The following CRYAB variants were observed in gnomAD, a reference collection of about 807,000 sequenced individuals.
The protein encoded by CRYAB is crystallin alpha B.
A neutral mutation model predicts 12.7 loss-of-function variants in CRYAB; 9 were observed. The ratio of observed to expected loss-of-function variants is 0.71; its 90% CI spans 0.43 to 1.24. The LOEUF (loss-of-function observed/expected upper bound fraction) is 1.24. Among genes scored for constraint, CRYAB ranks in the 50% most tolerant of loss-of-function variants. The probability of loss-of-function intolerance (pLI) is 0.00; values close to 1 mark genes in which losing one functional copy is unlikely to be tolerated. For synonymous variants in CRYAB, 93 were observed against 86.8 expected (o/e 1.07, Z -0.40); for missense variants, 183 against 226.6 (o/e 0.81, Z 1.24).
upstream of CRYAB, chr11:111,913,354 A>T: frequency 9.6e-7 from 1 of 1,040,950 alleles, no homozygotes; most frequent in Non-Finnish European, 1.4e-6. Flanking sequence ...TGCTCTTCCC[A>T]ATCCCTCCTC....
chr11:111,923,534 G>A (rs1481736150), intron 1 of CRYAB, among the ~76,000 whole-genome samples: 4 of 152,160 alleles, frequency 2.6e-5, no homozygotes, highest in Non-Finnish European at 4.4e-5. Context: ...AAAAGAATCC[G>A]GAGTAAGCCC....
chr11:111,922,621 G>A (rs1337456645), intron 1 of CRYAB, among the ~76,000 whole-genome samples: 5 of 151,948 alleles, frequency 3.3e-5, no homozygotes, highest in Non-Finnish European at 7.4e-5. Context: ...CATGATGTTC[G>A]GTGTTCTTCC....
At chr11:111,912,689 C>A (rs1349086486), upstream of CRYAB, 1 of 535,176 alleles carries the variant, frequency 1.9e-6, no homozygotes, top group Non-Finnish European at 3.3e-6. Flanking sequence ...CCTCCCCCCC[C>A]AAGAGGCTCG....
rs540926728 is a variant in CRYAB, at chr11:111,908,704, C to T, written c.*60G>A. The stretch of plus-strand genomic sequence containing the variant: ...ATAAGCTTCAGCACTAGTCACAAGA[C>T]TTTCATTCACTGGTGGGGAAACTTT... On this transcript the variant is annotated 3_prime_UTR_variant, in exon 3 of 3. Transcript: ENST00000650687. The T allele has an allele frequency of 4.7e-5, 74 of 1,559,344 alleles. No homozygotes were observed. In the East Asian group the frequency reaches 1.6e-3, roughly 34 times the overall value.
rs145768025 is a variant in CRYAB at position 111,911,610 on chromosome 11, G to C, written c.115C>G (p.Pro39Ala). ...AAGGGACTCAGGGAAGTAGACGTCG[G>C]GAAAAGATCAGACTCCAACAGGTGC... ...GEHLLESDLF[P>A]TSTSLSPFYL... The change falls in exon 1 of 3, where the codon CCG (proline) becomes GCG (alanine). Residue 39 changes from proline (P) to alanine (A), a missense_variant. This residue lies in a region of CRYAB where 86 missense variants were observed against 96.1 expected (regional missense o/e 0.89). Transcript: ENST00000650687. 90 of 1,612,966 alleles carry C rather than the reference G, an allele frequency of 5.6e-5. No homozygotes were observed. Among genetic ancestry groups the C allele is most frequent in the Non-Finnish European group, 7.6e-5 (90 of 1,179,722 alleles).
intron 2 of CRYAB, 69 bp downstream of exon 2, chr11:111,910,258 T>G (rs1566405792): frequency 6.3e-7 from 1 of 1,598,336 alleles, no homozygotes; most frequent in Admixed American, 1.7e-5. Flanking sequence ...CCAAAGCTGA[T>G]AGCACTACCT....
chr11:111,913,662 C>T, upstream of CRYAB: 6 of 1,614,162 alleles, frequency 3.7e-6, no homozygotes, highest in South Asian at 1.1e-5. Context: ...GCACCCCCAG[C>T]GCCTGGACCG....
chr11:111,922,743 T>G (rs1965720955), intron 1 of CRYAB, among the ~76,000 whole-genome samples: 1 of 152,236 alleles, frequency 6.6e-6, no homozygotes, highest in Non-Finnish European at 1.5e-5. Flanking sequence ...GCAATTTAAA[T>G]AATGTTATAA....
chr11:111,922,534 C>T (rs1965717096), intron 1 of CRYAB, among the ~76,000 whole-genome samples: 1 of 152,140 alleles, frequency 6.6e-6, no homozygotes, highest in Non-Finnish European at 1.5e-5. Context: ...TAGTGTATTT[C>T]CATATATTTT....
At chr11:111,918,982 C>A (rs1389508146) in intron 1 of CRYAB, 1 of 1,613,928 alleles carries the variant, frequency 6.2e-7, no homozygotes, top group Non-Finnish European at 8.5e-7. Flanking sequence ...CATGGGAAAC[C>A]GGGTCTGCTG....
intron 1 of CRYAB, among the ~76,000 whole-genome samples, chr11:111,919,662 CTCATT>C (rs1555166364): frequency 1.3e-5 from 2 of 152,148 alleles, no homozygotes; most frequent in Non-Finnish European, 2.9e-5. Flanking sequence ...ATTTTACAGT[CTCATT>C]TAATTTTTCC....
intron 2 of CRYAB, 185 bp from the exon 3 acceptor site, chr11:111,909,152 C>T (rs1472613402): frequency 2.9e-6 from 2 of 686,480 alleles, no homozygotes; most frequent in African/African-American, 3.5e-5. Context: ...GTCACTCCTA[C>T]CAGTGAGAAT....
At chr11:111,920,380 A>C (rs587768478) in intron 1 of CRYAB, among the ~76,000 whole-genome samples, 1 of 151,824 alleles carries the variant, frequency 6.6e-6, no homozygotes, top group East Asian at 1.9e-4. Context: ...TACTAAAAAT[A>C]CAAAAAAATT....
chr11:111,912,198 G>T (rs1566411273), upstream of CRYAB: 1 of 207,244 alleles, frequency 4.8e-6, no homozygotes, highest in African/African-American at 2.3e-5. Context: ...CCTAGGCTGA[G>T]CCCCAGGGAC....
upstream of CRYAB, chr11:111,914,119 T>C (rs1555165956): frequency 4.4e-6 from 2 of 453,976 alleles, no homozygotes; most frequent in African/African-American, 2.0e-5. Context: ...CCCTATTCTG[T>C]GGCCGGGAAG....
intron 1 of CRYAB, chr11:111,918,610 T>C (rs587633812): frequency 5.8e-5 from 38 of 657,062 alleles, no homozygotes; most frequent in Non-Finnish European, 7.9e-5. Context: ...AGAGGATATA[T>C]TTCAAAGACA....
At chr11:111,918,944 C>CTCCA in intron 1 of CRYAB, 1 of 1,614,108 alleles carries the variant, frequency 6.2e-7, no homozygotes, top group Non-Finnish European at 8.5e-7. Flanking sequence ...TGCATAAAAA[C>CTCCA]AGCTGGGCTC....
At position 111,910,121 on chromosome 11, in the gene CRYAB, C is replaced by T. The variant is rs536278533; in HGVS notation, c.324+206G>A. On this transcript the variant is annotated intron_variant, in intron 2 of 2. Transcript: ENST00000650687. Reference sequence around the variant, plus strand: ...ATCATCCCATCTAAGGCGATCAAATCAAAGGCCACATCTCTGGCCATAATA... The same window carrying T: ...ATCATCCCATCTAAGGCGATCAAATTAAAGGCCACATCTCTGGCCATAATA... 67 of 725,052 alleles carry T rather than the reference C, an allele frequency of 9.2e-5. 1 individual carries two copies. The South Asian group carries it at 9.5e-4, about 10-fold the overall frequency. The allele number at this position is 725,052 out of a possible 1,614,324, so 44.9% of individuals were successfully genotyped here. A position where few individuals can be genotyped will look rare whatever the true frequency, so the allele number is the denominator to read the frequency against.
chr11:111,923,085 T>G (rs1965726192), intron 1 of CRYAB, among the ~76,000 whole-genome samples: 1 of 152,238 alleles, frequency 6.6e-6, no homozygotes, highest in Admixed American at 6.5e-5. Flanking sequence ...TAATATTTTC[T>G]GTATCCATTT....
Sources: allele counts gnomAD v4.1 joint callset (sites outside exome capture counted in the v4.1 genomes callset), GRCh38; gene constraint gnomAD v4.1.1; regional missense constraint gnomAD v4.1.1; transcripts MANE v1.5; gene names NCBI Gene and HGNC (gene_info 2026-07-23, HGNC 2026-07-21).